The following LNPEP variants were observed in gnomAD, a reference collection of about 807,000 sequenced individuals.
LNPEP encodes leucyl-cystinyl aminopeptidase.
In LNPEP, 64 loss-of-function variants were observed where a neutral mutation model predicts 120.6. That is an observed-to-expected ratio of 0.53 (90% confidence interval 0.43 to 0.65). The LOEUF (loss-of-function observed/expected upper bound fraction) is 0.65, where lower values mean the gene tolerates loss of function less well. Among genes scored for constraint, LNPEP ranks in the 30% least tolerant of loss-of-function variants. LNPEP has a pLI of 0.00. For missense variants in LNPEP, 1,057 were observed against 1,200.0 expected (o/e 0.88, Z 1.76); for synonymous variants, 435 against 425.4 (o/e 1.02, Z -0.28).
At chr5:96,954,723 C>CACATAT (rs1789407628) in intron 1 of LNPEP, among the ~76,000 whole-genome samples, 2 of 85,508 alleles carry the variant, frequency 2.3e-5, no homozygotes, top group African/African-American at 9.8e-5. Context: ...CATATATATA[C>CACATAT]ATATATATAT....
In LNPEP at chr5:96,984,804, C is replaced by G. The variant is rs199528485; in HGVS notation, c.861-276C>G. On this transcript the variant is annotated intron_variant, in intron 2 of 17. Transcript: ENST00000231368. ...TTTTCAAATACTCATCTTTTTAGGCCCTCTTCAGGTTTTCTGCATGTTTCC... is the reference window on the plus strand; with the variant it reads ...TTTTCAAATACTCATCTTTTTAGGCGCTCTTCAGGTTTTCTGCATGTTTCC... Among the ~76,000 whole-genome samples, 4 of 151,916 alleles carry G rather than the reference C, an allele frequency of 2.6e-5. No individual in the cohort carries two copies. The East Asian group carries it at 7.7e-4, about 29-fold the overall frequency.
At chr5:97,026,818 T>G in intron 16 of LNPEP, 61 bp downstream of exon 16, 2 of 1,446,144 alleles carry the variant, frequency 1.4e-6, no homozygotes, top group African/African-American at 2.8e-5. Context: ...TGAAAAAAGC[T>G]CCCAGTGTTT....
At chr5:97,021,687 C>G (rs1262696857) in intron 13 of LNPEP, among the ~76,000 whole-genome samples, 1 of 152,084 alleles carries the variant, frequency 6.6e-6, no homozygotes, top group Non-Finnish European at 1.5e-5. Flanking sequence ...TAAAGGTTCC[C>G]TACTGCACAG....
intron 8 of LNPEP, among the ~76,000 whole-genome samples, chr5:97,002,797 A>G (rs1790686479): frequency 6.6e-6 from 1 of 152,192 alleles, no homozygotes; most frequent in South Asian, 2.1e-4. Flanking sequence ...TTATTTCAGG[A>G]TTGCGAATGA....
chr5:97,001,603 A>T (rs560795124), intron 8 of LNPEP, among the ~76,000 whole-genome samples: 1 of 152,268 alleles, frequency 6.6e-6, no homozygotes, highest in South Asian at 2.1e-4. Flanking sequence ...GGAAATTTAG[A>T]TAGAGAAAAG....
intron 2 of LNPEP, among the ~76,000 whole-genome samples, chr5:96,983,655 C>G (rs1790176568): frequency 6.6e-6 from 1 of 152,102 alleles, no homozygotes. Context: ...CCATGTTGGC[C>G]AGGCTGGTCT....
At chr5:96,982,862 C>A (rs1430987492) in intron 2 of LNPEP, among the ~76,000 whole-genome samples, 1 of 152,114 alleles carries the variant, frequency 6.6e-6, no homozygotes, top group African/African-American at 2.4e-5. Context: ...GACTATCTTG[C>A]ATTTGTAATA....
rs1791451648 is a variant in LNPEP at position 97,030,653 on chromosome 5, T to C, written c.*2120T>C. On this transcript the variant is annotated 3_prime_UTR_variant, in exon 18 of 18. Coordinates refer to ENST00000231368, the MANE Select transcript of LNPEP (RefSeq NM_005575.3). ...GTGTGTGTGTGTGTGTGTGTGTGTG[T>C]GTGTGTGTGTGTGTGTAGTGTGGGG... The C allele has an allele frequency of 6.7e-6, 1 of 150,246 alleles. No individual in the cohort carries two copies. Among genetic ancestry groups the C allele is most frequent in the African/African-American group, 2.5e-5 (1 of 39,908 alleles). The allele number at this position is 150,246 out of a possible 1,614,324, so 9.3% of individuals were successfully genotyped here.
At chr5:96,989,752 A>C (rs1025258345) in intron 4 of LNPEP, among the ~76,000 whole-genome samples, 1 of 152,164 alleles carries the variant, frequency 6.6e-6, no homozygotes, top group Non-Finnish European at 1.5e-5. Context: ...AAGCTTTATA[A>C]TAATTGTAAT....
intron 1 of LNPEP, among the ~76,000 whole-genome samples, chr5:96,947,998 C>T (rs970009728): frequency 6.6e-6 from 1 of 152,042 alleles, no homozygotes. Context: ...ATCACCTAGA[C>T]AGAAAATATA....
Position 97,008,607 on chromosome 5 carries a change from T to C in LNPEP, c.2035+2092T>C, listed in dbSNP as rs184789771. 7.5e-4 allele frequency among the ~76,000 whole-genome samples: 113 copies of C among 150,356 alleles called. 1 individual carries two copies. Among genetic ancestry groups the C allele is most frequent in the African/African-American group, 2.7e-3 (109 of 41,026 alleles). ...CCTCAAGTGATCCTCCTGCTTTGGC[T>C]TCCCAAAGTGTTGGGATTACAGGCA... is the stretch of plus-strand genomic sequence containing the variant. On this transcript the variant is annotated intron_variant, in intron 11 of 17. Coordinates refer to ENST00000231368, the MANE Select transcript of LNPEP (RefSeq NM_005575.3).
rs776868157 is a variant in LNPEP at position 97,006,211 on chromosome 5, G to A, written c.1924G>A (p.Glu642Lys). Residue 642 changes from glutamate (E) to lysine (K), a missense_variant, in exon 10 of 18, where the codon GAA (glutamate) becomes AAA (lysine). Glu to Lys is a moderately conservative substitution (Grantham distance 56). Transcript: ENST00000231368. ...GAGATTCTTTTTAAATATGAAGCCTGAAATTCAGCCTTCAGATACAAGGTA... is the reference window on the plus strand; with the variant it reads ...GAGATTCTTTTTAAATATGAAGCCTAAAATTCAGCCTTCAGATACAAGGTA... ...QERFFLNMKP[E>K]IQPSDTSYLW... 3.1e-6 allele frequency: 5 copies of A among 1,604,190 alleles called. No individual in the cohort carries two copies. In the African/African-American group the frequency reaches 5.4e-5, roughly 17 times the overall value.
At chr5:96,963,384 G>A (rs1321919144) in intron 1 of LNPEP, among the ~76,000 whole-genome samples, 2 of 152,162 alleles carry the variant, frequency 1.3e-5, no homozygotes, top group Non-Finnish European at 2.9e-5. Flanking sequence ...TTCCTCTGCT[G>A]ATCTTGCATG....
chr5:96,970,217 G>T (rs762166501), intron 1 of LNPEP, among the ~76,000 whole-genome samples: 1 of 151,886 alleles, frequency 6.6e-6, no homozygotes, highest in African/African-American at 2.4e-5. Context: ...CCGATCTTCC[G>T]TGACCTTACT....
intron 1 of LNPEP, among the ~76,000 whole-genome samples, chr5:96,959,870 A>AAATAATAT (rs1189527479): frequency 1.3e-5 from 2 of 152,018 alleles, no homozygotes; most frequent in African/African-American, 4.8e-5. Context: ...TAATAGTACT[A>AAATAATAT]AATAATATTC....
chr5:96,972,087 CT>C (rs1789879882), intron 1 of LNPEP, among the ~76,000 whole-genome samples: 1 of 152,062 alleles, frequency 6.6e-6, no homozygotes, highest in African/African-American at 2.4e-5. Flanking sequence ...AAAAAAAACT[CT>C]GTAAAATGTT....
chr5:96,974,761 G>A (rs1379311249), intron 1 of LNPEP, among the ~76,000 whole-genome samples: 1 of 152,030 alleles, frequency 6.6e-6, no homozygotes, highest in Non-Finnish European at 1.5e-5. Flanking sequence ...AAATGTAAGG[G>A]TCTCTCTAGG....
chr5:97,017,716 T>G (rs1295813819), intron 13 of LNPEP, among the ~76,000 whole-genome samples: 1 of 152,128 alleles, frequency 6.6e-6, no homozygotes, highest in African/African-American at 2.4e-5. Flanking sequence ...TCAACACCAT[T>G]TGGGGTAGTA....
rs1789334849 is a variant in LNPEP, at chr5:96,951,970, A to T, written c.19+15796A>T. On this transcript the variant is annotated intron_variant, in intron 1 of 17. Coordinates refer to ENST00000231368, the MANE Select transcript of LNPEP (RefSeq NM_005575.3). ...CTTCGAAGGCAGAGTTATGCTTCTC[A>T]AACATTTTGGTTTTAGAATCTCCTT... is the stretch of plus-strand genomic sequence containing the variant. 2.0e-5 allele frequency among the ~76,000 whole-genome samples: 3 copies of T among 152,086 alleles called. No homozygotes were observed. In the South Asian group the frequency reaches 6.2e-4, roughly 31 times the overall value.
Sources: allele counts gnomAD v4.1 joint callset (sites outside exome capture counted in the v4.1 genomes callset), GRCh38; gene constraint gnomAD v4.1.1; transcripts MANE v1.5; gene names NCBI Gene and HGNC (gene_info 2026-07-23, HGNC 2026-07-21).